The following DLG2 variants were observed in gnomAD, a reference collection of about 807,000 sequenced individuals.
DLG2 encodes disks large homolog 2.
In DLG2, 45 loss-of-function variants were observed where a neutral mutation model predicts 132.5. The observed-to-expected ratio is 0.34, with a 90% CI of 0.27 to 0.44. DLG2 has a LOEUF of 0.44. Among genes scored for constraint, DLG2 ranks in the 20% least tolerant of loss-of-function variants. The pLI, the probability that DLG2 is intolerant of heterozygous loss-of-function variation, is 1.00. For synonymous variants in DLG2, 424 were observed against 419.6 expected (o/e 1.01, Z -0.13); for missense variants, 1,045 against 1,196.9 (o/e 0.87, Z 1.87).
At chr11:84,693,467 A>C (rs2058272714) in intron 6 of DLG2, among the ~76,000 whole-genome samples, 1 of 151,700 alleles carries the variant, frequency 6.6e-6, no homozygotes, top group Admixed American at 6.6e-5. Flanking sequence ...CTATAACCTG[A>C]AACGTACTCT....
intron 5 of DLG2, among the ~76,000 whole-genome samples, chr11:85,124,325 T>G (rs1192704220): frequency 6.6e-6 from 1 of 152,240 alleles, no homozygotes; most frequent in African/African-American, 2.4e-5. Context: ...GCTCTCATTT[T>G]TCTCTACCAT....
chr11:84,401,769 G>A (rs1002078047), intron 7 of DLG2, among the ~76,000 whole-genome samples: 2 of 152,052 alleles, frequency 1.3e-5, no homozygotes, highest in Non-Finnish European at 2.9e-5. Context: ...CGAAAGCTCC[G>A]CCTCCTGGCT....
At chr11:84,002,320 C>A (rs1358302798) in intron 11 of DLG2, among the ~76,000 whole-genome samples, 1 of 152,164 alleles carries the variant, frequency 6.6e-6, no homozygotes, top group Non-Finnish European at 1.5e-5. Flanking sequence ...GATGGGGGCC[C>A]TCTTCTTACA....
chr11:85,176,253 T>TA (rs1379643639), intron 4 of DLG2, among the ~76,000 whole-genome samples: 1 of 152,002 alleles, frequency 6.6e-6, no homozygotes, highest in African/African-American at 2.4e-5. Flanking sequence ...ATGGTACCTG[T>TA]AAAAAAGAAG....
intron 3 of DLG2, among the ~76,000 whole-genome samples, chr11:85,594,369 A>G (rs1419809566): frequency 6.6e-6 from 1 of 152,240 alleles, no homozygotes; most frequent in East Asian, 1.9e-4. Context: ...AACTGCCTCC[A>G]TTAAACAAGA....
At chr11:84,894,954 A>G (rs2089987629) in intron 6 of DLG2, among the ~76,000 whole-genome samples, 2 of 152,274 alleles carry the variant, frequency 1.3e-5, no homozygotes, top group South Asian at 4.1e-4. Context: ...TCCACGGGGC[A>G]ATGTCTGTCT....
At chr11:85,601,178 A>G (rs2080129043) in intron 2 of DLG2, among the ~76,000 whole-genome samples, 1 of 151,980 alleles carries the variant, frequency 6.6e-6, no homozygotes, top group Non-Finnish European at 1.5e-5. Flanking sequence ...GTTTATGTGT[A>G]ATTATTTTTG....
intron 15 of DLG2, among the ~76,000 whole-genome samples, chr11:83,904,254 T>C (rs977946479): frequency 2.0e-5 from 3 of 152,146 alleles, no homozygotes; most frequent in Non-Finnish European, 2.9e-5. Context: ...TTAAAACATA[T>C]AAATTGTTTA....
chr11:83,638,427 A>G (rs75262413), intron 18 of DLG2, among the ~76,000 whole-genome samples: 1,988 of 152,310 alleles, frequency 0.013, 54 homozygotes, highest in African/African-American at 0.045. Context: ...AATTGGACCT[A>G]CCTCAAGATC....
chr11:85,543,285 C>T (rs1440096430), intron 3 of DLG2, among the ~76,000 whole-genome samples: 1 of 152,182 alleles, frequency 6.6e-6, no homozygotes, highest in African/African-American at 2.4e-5. Flanking sequence ...TGGTTTCCAG[C>T]TTCATCCATG....
chr11:83,615,396 C>T lies in DLG2; in HGVS notation c.1940+17815G>A, dbSNP rs117922937. Among the ~76,000 whole-genome samples the T allele has an allele frequency of 5.8e-3, 883 of 152,292 alleles. 2 individuals are homozygous for T. Among genetic ancestry groups the T allele is most frequent in the Non-Finnish European group, 9.5e-3 (644 of 68,024 alleles). Reference sequence around the variant, plus strand: ...AGCAACATGACCCAAGGGTCATAATCGCTCTTGGCTTCCATCATCATGGGT... The same window carrying T: ...AGCAACATGACCCAAGGGTCATAATTGCTCTTGGCTTCCATCATCATGGGT... On this transcript the variant is annotated intron_variant, in intron 19 of 27. Coordinates refer to ENST00000376104, the MANE Select transcript of DLG2 (RefSeq NM_001142699.3).
intron 6 of DLG2, among the ~76,000 whole-genome samples, chr11:84,786,629 T>C (rs987289469): frequency 1.3e-5 from 2 of 152,186 alleles, no homozygotes; most frequent in African/African-American, 2.4e-5. Context: ...TGTTAGGCCT[T>C]CTTCCTGTAA....
At chr11:83,713,486 T>C (rs745885815) in intron 18 of DLG2, among the ~76,000 whole-genome samples, 2 of 152,190 alleles carry the variant, frequency 1.3e-5, no homozygotes, top group Admixed American at 6.6e-5. Flanking sequence ...AGGGTTCATG[T>C]TCCTACGTGA....
intron 15 of DLG2, among the ~76,000 whole-genome samples, chr11:83,902,253 C>T (rs1197670651): frequency 6.6e-6 from 1 of 152,194 alleles, no homozygotes; most frequent in Non-Finnish European, 1.5e-5. Context: ...TATCCCTCCC[C>T]TATCTCCTAT....
At chr11:85,047,802 C>A (rs1307663663) in intron 6 of DLG2, among the ~76,000 whole-genome samples, 1 of 151,864 alleles carries the variant, frequency 6.6e-6, no homozygotes, top group Non-Finnish European at 1.5e-5. Flanking sequence ...GCTCACATTT[C>A]TTAAGGACAT....
chr11:84,993,268 G>C (rs559921961), intron 6 of DLG2, among the ~76,000 whole-genome samples: 2 of 152,272 alleles, frequency 1.3e-5, no homozygotes, highest in East Asian at 1.9e-4. Context: ...GTCGGAGGGT[G>C]GGGGGCAAGG....
At chr11:84,682,129 T>G (rs927720679) in intron 6 of DLG2, among the ~76,000 whole-genome samples, 4 of 152,050 alleles carry the variant, frequency 2.6e-5, no homozygotes, top group Non-Finnish European at 4.4e-5. Context: ...TATTCAGGAG[T>G]GATCTACCTC....
intron 9 of DLG2, among the ~76,000 whole-genome samples, chr11:84,151,997 C>T (rs2095306741): frequency 6.6e-6 from 1 of 152,066 alleles, no homozygotes; most frequent in Non-Finnish European, 1.5e-5. Context: ...GTTCCATATA[C>T]AGACAAGAAG....
Position 84,502,224 on chromosome 11 carries a change from T to C in DLG2, c.519+32346A>G, listed in dbSNP as rs1245234935. ...TCTCCTTCCTTCCTTCCTTCCTTCC[T>C]TCCTTCCTTCCTTCCTTCCTTCCTT... On this transcript the variant is annotated intron_variant, in intron 7 of 27. Coordinates refer to ENST00000376104, the MANE Select transcript of DLG2 (RefSeq NM_001142699.3). Among the ~76,000 whole-genome samples, 4 of 11,572 alleles carry C rather than the reference T, an allele frequency of 3.5e-4. 1 individual carries two copies. The South Asian group carries it at 0.014, about 41-fold the overall frequency. The allele number at this position is 11,572 out of a possible 152,430, so 7.6% of individuals were successfully genotyped here.
Sources: allele counts gnomAD v4.1 joint callset (sites outside exome capture counted in the v4.1 genomes callset), GRCh38; gene constraint gnomAD v4.1.1; transcripts MANE v1.5; gene names NCBI Gene and HGNC (gene_info 2026-07-23, HGNC 2026-07-21).